Variants in WWOX observed in about 807,000 individuals in gnomAD.
The protein encoded by WWOX is WW domain-containing oxidoreductase.
A neutral mutation model predicts 46.2 loss-of-function variants in WWOX; 69 were observed. The ratio of observed to expected loss-of-function variants is 1.49; its 90% CI spans 1.23 to 1.82. The LOEUF is 1.82. Ranked by LOEUF, WWOX falls within the 40% of genes most tolerant of loss-of-function variation. The probability of loss-of-function intolerance (pLI) is 0.00; values close to 1 mark genes in which losing one functional copy is unlikely to be tolerated. For synonymous variants in WWOX, 359 were observed against 202.6 expected, an observed-to-expected ratio of 1.77 and a Z score of -6.56; for missense variants, 919 against 542.6, an observed-to-expected ratio of 1.69 and a Z score of -6.89.
chr16:79,047,885 A>T (rs1358500364), intron 8 of WWOX, among the ~76,000 whole-genome samples: 1 of 151,162 alleles, frequency 6.6e-6, no homozygotes, highest in Non-Finnish European at 1.5e-5. Context: ...ATTGATTCAG[A>T]TTCACAGACT....
chr16:79,007,576 G>C (rs774372360), intron 8 of WWOX, among the ~76,000 whole-genome samples: 8 of 152,222 alleles, frequency 5.3e-5, no homozygotes, highest in East Asian at 1.9e-4. Context: ...ACATAGGCAT[G>C]CTACTTTATA....
At chr16:79,002,078 G>A (rs545925135) in intron 8 of WWOX, among the ~76,000 whole-genome samples, 1 of 152,138 alleles carries the variant, frequency 6.6e-6, no homozygotes, top group African/African-American at 2.4e-5. Context: ...AATAATCTGG[G>A]GATGAAAACA....
At chr16:78,202,786 T>G (rs1044741935) in intron 5 of WWOX, among the ~76,000 whole-genome samples, 2 of 126,032 alleles carry the variant, frequency 1.6e-5, no homozygotes, top group Non-Finnish European at 3.2e-5. Context: ...TATTTGCAAT[T>G]TTTTGTTTTT....
At chr16:79,081,204 C>G (rs116674260) in intron 8 of WWOX, among the ~76,000 whole-genome samples, 6,574 of 152,238 alleles carry the variant, frequency 0.043, 254 homozygotes, top group African/African-American at 0.097. Flanking sequence ...TGATCTGTTG[C>G]CCAGGCTCGA....
At chr16:78,952,767 C>A (rs577963075) in intron 8 of WWOX, among the ~76,000 whole-genome samples, 10 of 152,126 alleles carry the variant, frequency 6.6e-5, no homozygotes, top group African/African-American at 2.2e-4. Flanking sequence ...GGTTCCCCAA[C>A]GTATCCCTAC....
At chr16:78,681,416 C>G (rs2047726154) in intron 8 of WWOX, among the ~76,000 whole-genome samples, 1 of 152,084 alleles carries the variant, frequency 6.6e-6, no homozygotes, top group East Asian at 1.9e-4. Flanking sequence ...AAAACCAAAA[C>G]AAAGGTCAAT....
chr16:79,140,415 T>C (rs2050067251), intron 8 of WWOX, among the ~76,000 whole-genome samples: 1 of 152,222 alleles, frequency 6.6e-6, no homozygotes, highest in Admixed American at 6.5e-5. Flanking sequence ...TGCCCTTTGC[T>C]GATGGTGAGT....
At chr16:78,897,042 A>G (rs2044716099) in intron 8 of WWOX, 1 of 151,336 alleles carries the variant, frequency 6.6e-6, no homozygotes, top group Non-Finnish European at 1.5e-5. Context: ...AGTCTGGGCA[A>G]CAGGGTGAAA....
intron 8 of WWOX, among the ~76,000 whole-genome samples, chr16:78,874,321 T>TAG (rs1205793992): frequency 2.0e-5 from 3 of 150,660 alleles, no homozygotes; most frequent in Non-Finnish European, 4.4e-5. Context: ...GGGAGTTGAA[T>TAG]AGAGAGCTGC....
intron 8 of WWOX, among the ~76,000 whole-genome samples, chr16:78,475,870 C>A (rs1163330798): frequency 6.6e-6 from 1 of 152,182 alleles, no homozygotes; most frequent in African/African-American, 2.4e-5. Flanking sequence ...GCTGCGATTA[C>A]ATTTTAAAAC....
Position 78,099,704 on chromosome 16 carries a change from G to A in WWOX, c.-75G>A, listed in dbSNP as rs558882607. The A allele has an allele frequency of 6.8e-7, 1 of 1,470,782 alleles. No individual in the cohort carries two copies. The highest frequency in any genetic ancestry group is 1.4e-5 in the South Asian group (1 of 72,496). The allele number at this position is 1,470,782 out of a possible 1,614,324, so 91.1% of individuals were successfully genotyped here. ...GCCCCGACGCGCGCGGGTCTCGTTT[G>A]GAGCGGGAGTGAGTTCCTGAGCGAG... On this transcript the variant is annotated 5_prime_UTR_variant, in exon 1 of 9. Transcript: ENST00000566780.
intron 8 of WWOX, among the ~76,000 whole-genome samples, chr16:78,697,363 G>T (rs1006941241): frequency 6.6e-6 from 1 of 152,156 alleles, no homozygotes; most frequent in African/African-American, 2.4e-5. Flanking sequence ...CATTCTTGCA[G>T]GAGTAAGATG....
Position 78,164,234 on chromosome 16 carries a change from C to T in WWOX, c.461C>T (p.Ala154Val), listed in dbSNP as rs1431204869. The change falls in exon 5 of 9, where the codon GCC becomes GTC. Residue 154 changes from alanine (A) to valine (V), a missense_variant. Coordinates refer to ENST00000566780, the MANE Select transcript of WWOX (RefSeq NM_016373.4). Reference protein sequence around the residue: ...FALHGAHVILACRNMARASEA... With the variant: ...FALHGAHVILVCRNMARASEA... The stretch of plus-strand genomic sequence containing the variant: ...CTCCATGGTGCACATGTGATCTTGG[C>T]CTGCAGGAACATGGCAAGGGCGAGT... 1 of 1,613,968 alleles carries T rather than the reference C, an allele frequency of 6.2e-7. No homozygotes were observed. Among genetic ancestry groups the T allele is most frequent in the Non-Finnish European group, 8.5e-7 (1 of 1,180,018 alleles).
At chr16:79,148,868 A>G (rs1057324663) in intron 8 of WWOX, among the ~76,000 whole-genome samples, 1 of 152,000 alleles carries the variant, frequency 6.6e-6, no homozygotes, top group African/African-American at 2.4e-5. Flanking sequence ...TCTTGATCCT[A>G]TGAGCTTGCT....
At position 79,024,443 on chromosome 16, in the gene WWOX, C is replaced by G. The variant is rs773064358; in HGVS notation, c.1057-187165C>G. On this transcript the variant is annotated intron_variant, in intron 8 of 8. Coordinates refer to ENST00000566780, the MANE Select transcript of WWOX (RefSeq NM_016373.4). ...CCAGCTGATTTTTAAATTTTTTTTT[C>G]TTTGTTTTGAGACGGAGTTTTGCTC... Among the ~76,000 whole-genome samples, 3 of 151,514 alleles carry G rather than the reference C, an allele frequency of 2.0e-5. No individual in the cohort carries two copies. The South Asian group carries it at 6.3e-4, about 32-fold the overall frequency.
intron 8 of WWOX, among the ~76,000 whole-genome samples, chr16:78,440,645 G>A (rs1318340578): frequency 1.3e-5 from 2 of 149,912 alleles, no homozygotes; most frequent in African/African-American, 2.5e-5. Context: ...GAGACGGAGT[G>A]TCTCTCCGTT....
chr16:78,454,978 A>G (rs764908882), intron 8 of WWOX, among the ~76,000 whole-genome samples: 3 of 152,354 alleles, frequency 2.0e-5, no homozygotes, highest in Middle Eastern at 3.4e-3. Flanking sequence ...AGTGCCCCAC[A>G]TGTCAGGTAC....
At chr16:79,185,213 C>G (rs1426325496) in intron 8 of WWOX, among the ~76,000 whole-genome samples, 2 of 152,158 alleles carry the variant, frequency 1.3e-5, no homozygotes, top group Non-Finnish European at 2.9e-5. Flanking sequence ...CTTGGACTTA[C>G]AGTCCCAAAT....
At chr16:78,627,447 C>T (rs576243719) in intron 8 of WWOX, among the ~76,000 whole-genome samples, 20 of 152,300 alleles carry the variant, frequency 1.3e-4, no homozygotes, top group African/African-American at 4.8e-4. Flanking sequence ...TGTGGCTGGT[C>T]TCCAAGGCCT....
Sources: allele counts gnomAD v4.1 joint callset (sites outside exome capture counted in the v4.1 genomes callset), GRCh38; gene constraint gnomAD v4.1.1; transcripts MANE v1.5; gene names NCBI Gene and HGNC (gene_info 2026-07-23, HGNC 2026-07-21).